The following PROM1 variants were observed in gnomAD, a reference collection of about 807,000 sequenced individuals.
The protein encoded by PROM1 is prominin 1, also known as prominin-1.
A neutral mutation model predicts 116.9 loss-of-function variants in PROM1; 105 were observed. That is an observed-to-expected ratio of 0.90 (90% CI 0.77 to 1.06). The LOEUF (loss-of-function observed/expected upper bound fraction) is 1.06, where lower values mean the gene tolerates loss of function less well. Ranked by LOEUF, PROM1 falls within the 50% of genes least tolerant of loss-of-function variation. The probability of loss-of-function intolerance (pLI) is 0.00; values close to 1 mark genes in which losing one functional copy is unlikely to be tolerated. For synonymous variants in PROM1, 393 were observed against 387.0 expected, an observed-to-expected ratio of 1.02 and a Z score of -0.18; for missense variants, 1,122 against 1,045.2, an observed-to-expected ratio of 1.07 and a Z score of -1.01.
intron 11 of PROM1, 88 bp from the exon 12 acceptor site, chr4:16,009,196 A>C: frequency 2.6e-6 from 3 of 1,165,032 alleles, no homozygotes; most frequent in Non-Finnish European, 3.7e-6. Flanking sequence ...AGCCTGAACC[A>C]CCTTTAGTTT....
chr4:15,987,690 T>C lies in PROM1; in HGVS notation c.2103A>G (p.Ile701Met), dbSNP rs1363986722. The change falls in exon 20 of 28, where the codon ATA (isoleucine) becomes ATG (methionine). Residue 701 changes from isoleucine to methionine, a missense_variant. Physicochemically the swap from Ile to Met is conservative, Grantham distance 10. Transcript: ENST00000447510. ...SLSTLYQSVK[I>M]LQRTGNGLLE... is the part of the protein sequence containing the mutation. ...ACAATCCATTCCCTGTGCGTTGAAGTATCTTGACGCTTTGGTATAGAGTGC... is the reference window on the plus strand; with the variant it reads ...ACAATCCATTCCCTGTGCGTTGAAGCATCTTGACGCTTTGGTATAGAGTGC... 1.2e-6 allele frequency: 2 copies of C among 1,611,598 alleles called. No individual in the cohort carries two copies. The highest frequency in any genetic ancestry group is 1.7e-6 in the Non-Finnish European group (2 of 1,179,202).
rs1295468652 is a variant in PROM1, at chr4:15,988,404, C to T, written c.2077-688G>A. On this transcript the variant is annotated intron_variant, in intron 19 of 27. Transcript: ENST00000447510. ...TTGACAAACTTTATCTGTAAAACAC[C>T]AGAGTAAACACTTTAGGTTTTATCT... is the stretch of plus-strand genomic sequence containing the variant. Among the ~76,000 whole-genome samples, 4 of 152,256 alleles carry T rather than the reference C, an allele frequency of 2.6e-5. No individual in the cohort carries two copies. In the East Asian group the frequency reaches 7.7e-4, roughly 29 times the overall value.
In PROM1 at chr4:15,980,616, T is replaced by A. The variant is rs1386512309; in HGVS notation, c.2374-79A>T. On this transcript the variant is annotated intron_variant, in intron 23 of 27. Coordinates refer to ENST00000447510, the MANE Select transcript of PROM1 (RefSeq NM_006017.3). ...ACAGTTGTTTGGGGGATTTTTTTTT[T>A]TTTTTTTTTTTTTTGGAATTTTTAA... 2.7e-3 allele frequency: 2,200 copies of A among 809,696 alleles called. 13 individuals carry two copies. Among genetic ancestry groups the A allele is most frequent in the Middle Eastern group, 5.6e-3 (16 of 2,846 alleles). The allele number at this position is 809,696 out of a possible 1,614,324, so 50.2% of individuals were successfully genotyped here. A position where few individuals can be genotyped will look rare whatever the true frequency, so the allele number is the denominator to read the frequency against.
chr4:16,061,118 C>T (rs1287573699), intron 2 of PROM1, among the ~76,000 whole-genome samples: 1 of 152,172 alleles, frequency 6.6e-6, no homozygotes, highest in African/African-American at 2.4e-5. Flanking sequence ...AAGCAGTTAT[C>T]TTGGAAATAA....
At chr4:16,003,682 G>A (rs1019562228) in intron 13 of PROM1, among the ~76,000 whole-genome samples, 1 of 152,152 alleles carries the variant, frequency 6.6e-6, no homozygotes. Context: ...CAGGGGTAGC[G>A]GCTCACACCT....
At chr4:15,989,612 A>G (rs1720447230) in intron 19 of PROM1, 120 bp downstream of exon 19, 3 of 842,744 alleles carry the variant, frequency 3.6e-6, no homozygotes, top group Non-Finnish European at 5.9e-6. Flanking sequence ...TCTGGGGCTG[A>G]AGCCAGTCAG....
chr4:16,070,620 C>G (rs1742584863), intron 2 of PROM1, among the ~76,000 whole-genome samples: 1 of 152,176 alleles, frequency 6.6e-6, no homozygotes, highest in South Asian at 2.1e-4. Flanking sequence ...GTAAGTCTTA[C>G]AGCAGATACT....
At chr4:16,015,680 A>T (rs1200502069) in intron 10 of PROM1, among the ~76,000 whole-genome samples, 1 of 151,984 alleles carries the variant, frequency 6.6e-6, no homozygotes, top group East Asian at 1.9e-4. Flanking sequence ...ACAGAGGGGG[A>T]TTCCACCTCA....
chr4:16,059,054 G>A (rs1269645620), intron 2 of PROM1, among the ~76,000 whole-genome samples: 3 of 152,106 alleles, frequency 2.0e-5, no homozygotes, highest in African/African-American at 4.8e-5. Context: ...CACTCCACTT[G>A]TTTTTCCTTT....
intron 23 of PROM1, among the ~76,000 whole-genome samples, chr4:15,983,825 G>A (rs1289470825): frequency 6.6e-6 from 1 of 152,212 alleles, no homozygotes; most frequent in Non-Finnish European, 1.5e-5. Flanking sequence ...AGCATCTGTT[G>A]AGGAGGGAAC....
intron 23 of PROM1, among the ~76,000 whole-genome samples, chr4:15,981,726 C>T (rs1164344650): frequency 6.6e-6 from 1 of 152,138 alleles, no homozygotes; most frequent in Non-Finnish European, 1.5e-5. Flanking sequence ...ATCAATGTTT[C>T]ACGTTTAATT....
intron 1 of PROM1, chr4:16,083,611 G>C (rs1327665318): frequency 6.5e-6 from 1 of 152,820 alleles, no homozygotes; most frequent in African/African-American, 2.4e-5. Context: ...GCTCAGCCCC[G>C]CGCCTGGTCA....
intron 15 of PROM1, among the ~76,000 whole-genome samples, chr4:15,997,071 C>T (rs1722494850): frequency 6.6e-6 from 1 of 151,818 alleles, no homozygotes; most frequent in African/African-American, 2.4e-5. Context: ...TGACTCCCTT[C>T]CCTGTGGCTC....
chr4:15,977,987 G>A (rs780460869), intron 26 of PROM1, among the ~76,000 whole-genome samples: 2 of 152,060 alleles, frequency 1.3e-5, no homozygotes, highest in African/African-American at 4.8e-5. Context: ...TCATAATCAC[G>A]GTGACGCTTT....
chr4:16,024,291 T>A lies in PROM1; in HGVS notation c.694+4A>T, dbSNP rs375952708. 5.0e-6 allele frequency: 8 copies of A among 1,611,242 alleles called. No individual in the cohort carries two copies. The highest frequency in any genetic ancestry group is 6.8e-6 in the Non-Finnish European group (8 of 1,177,786). On this transcript the variant is annotated splice_donor_region_variant and intron_variant, in intron 7 of 27. Coordinates refer to ENST00000447510, the MANE Select transcript of PROM1 (RefSeq NM_006017.3). ...AATGTGAAGCAACTTTAAATTTTAC[T>A]CACTGTTCAGATCTGTGAACGCCTT...
intron 2 of PROM1, among the ~76,000 whole-genome samples, chr4:16,063,995 T>C (rs1012103831): frequency 6.6e-6 from 1 of 152,190 alleles, no homozygotes; most frequent in Admixed American, 6.5e-5. Context: ...TTTATACATA[T>C]TTGAAATTCT....
intron 2 of PROM1, among the ~76,000 whole-genome samples, chr4:16,064,110 T>C (rs1482995126): frequency 6.6e-6 from 1 of 152,202 alleles, no homozygotes; most frequent in Non-Finnish European, 1.5e-5. Context: ...GTGCAGCAAT[T>C]CATTCCTAGA....
intron 7 of PROM1, 128 bp downstream of exon 7, chr4:16,024,166 CA>C: frequency 1.3e-6 from 1 of 793,822 alleles, no homozygotes; most frequent in East Asian, 2.7e-5. Flanking sequence ...GACACATTGG[CA>C]ATAAGGCTAG....
intron 22 of PROM1, among the ~76,000 whole-genome samples, chr4:15,984,758 A>T (rs1213527381): frequency 6.6e-6 from 1 of 152,040 alleles, no homozygotes; most frequent in Non-Finnish European, 1.5e-5. Context: ...ATGATCTGTC[A>T]CTGTCTCCCA....
Sources: allele counts gnomAD v4.1 joint callset (sites outside exome capture counted in the v4.1 genomes callset), GRCh38; gene constraint gnomAD v4.1.1; transcripts MANE v1.5; gene names NCBI Gene and HGNC (gene_info 2026-07-23, HGNC 2026-07-21).